The following NCALD variants were observed in gnomAD, a reference collection of about 807,000 sequenced individuals.
NCALD encodes neurocalcin-delta.
In NCALD, 10 loss-of-function variants were observed where a neutral mutation model predicts 18.6. The ratio of observed to expected loss-of-function variants is 0.54; its 90% CI spans 0.33 to 0.91. The LOEUF is 0.91. NCALD is among the 40% of genes least tolerant of loss of function. NCALD has a pLI of 0.03. For missense variants in NCALD, 184 were observed against 247.6 expected (o/e 0.74, Z 1.72); for synonymous variants, 88 against 87.4 (o/e 1.01, Z -0.04).
At position 101,905,276 on chromosome 8, in the gene NCALD, CCTCTCTCT is replaced by C. The variant is rs58447809; in HGVS notation, c.-107+10525_-107+10532del. 1.4e-4 allele frequency among the ~76,000 whole-genome samples: 20 copies of C among 145,548 alleles called. 1 individual carries two copies. The highest frequency in any genetic ancestry group is 8.1e-4 in the East Asian group (4 of 4,966). ...TTTCTAGCACCAATCTCTCTCCTCT[CCTCTCTCT>C]CTCTCTCTCTCTCTCTCTGGTGTAT... On this transcript the variant is annotated intron_variant, in intron 3 of 6. Transcript: ENST00000311028.
At chr8:101,835,735 T>G (rs887434209) in intron 4 of NCALD, among the ~76,000 whole-genome samples, 37 of 151,988 alleles carry the variant, frequency 2.4e-4, no homozygotes, top group Admixed American at 2.4e-3. Context: ...TGTGTGTGAG[T>G]GTGCATGTGG....
At chr8:102,082,269 G>A (rs1187394262) in intron 1 of NCALD, among the ~76,000 whole-genome samples, 1 of 102,940 alleles carries the variant, frequency 9.7e-6, no homozygotes, top group Non-Finnish European at 1.7e-5. Context: ...GTCTCGCTCT[G>A]TCGCCCAGGC....
intron 2 of NCALD, among the ~76,000 whole-genome samples, chr8:101,976,012 C>T (rs996438283): frequency 6.6e-6 from 1 of 152,110 alleles, no homozygotes; most frequent in Non-Finnish European, 1.5e-5. Context: ...AAAGTATGCA[C>T]TCCCCCAGCT....
intron 1 of NCALD, among the ~76,000 whole-genome samples, chr8:102,049,011 A>G (rs1215863065): frequency 3.9e-5 from 6 of 152,228 alleles, no homozygotes; most frequent in African/African-American, 1.2e-4. Flanking sequence ...GGAAAAGTTT[A>G]TAATTTGTCT....
At chr8:101,783,240 G>A (rs568038129) in intron 1 of NCALD, among the ~76,000 whole-genome samples, 14 of 152,266 alleles carry the variant, frequency 9.2e-5, no homozygotes, top group Admixed American at 2.0e-4. Flanking sequence ...AGGATGGGGT[G>A]AAGTTTAAGT....
intron 3 of NCALD, among the ~76,000 whole-genome samples, chr8:101,902,360 G>A (rs753868799): frequency 4.6e-5 from 7 of 151,044 alleles, no homozygotes; most frequent in African/African-American, 9.7e-5. Flanking sequence ...AAGCCAATAC[G>A]TTTTTTGAAG....
At chr8:102,121,628 T>C (rs966893052) in intron 1 of NCALD, among the ~76,000 whole-genome samples, 3 of 152,188 alleles carry the variant, frequency 2.0e-5, no homozygotes, top group Admixed American at 2.0e-4. Context: ...TTTCAAAAAA[T>C]TGGACCTCCA....
chr8:102,080,190 C>G, intron 1 of NCALD, among the ~76,000 whole-genome samples: 1 of 152,200 alleles, frequency 6.6e-6, no homozygotes, highest in East Asian at 1.9e-4. Flanking sequence ...CTGTTGGCAG[C>G]CAGCGGTGTT....
rs542266898 is a variant in NCALD at position 101,930,146 on chromosome 8, A to C, written c.-156-14288T>G. Among the ~76,000 whole-genome samples, 3 of 152,366 alleles carry C rather than the reference A, an allele frequency of 2.0e-5. No individual in the cohort carries two copies. The South Asian group carries it at 6.2e-4, about 32-fold the overall frequency. On this transcript the variant is annotated intron_variant, in intron 2 of 6. Transcript: ENST00000311028. ...TTAAAATGAGAAAATTACAAAAATT[A>C]TAAATTTTAAAAACTAAAGAATAGC...
intron 3 of NCALD, among the ~76,000 whole-genome samples, chr8:101,892,616 A>G (rs2131518614): frequency 6.7e-6 from 1 of 149,634 alleles, no homozygotes; most frequent in Middle Eastern, 3.4e-3. Flanking sequence ...ACACTTTGAA[A>G]AAAATATAGA....
intron 3 of NCALD, among the ~76,000 whole-genome samples, chr8:101,906,109 T>G (rs1169638598): frequency 2.0e-5 from 3 of 152,202 alleles, no homozygotes; most frequent in African/African-American, 7.2e-5. Context: ...AATATGTCTA[T>G]GATGTCAAAT....
chr8:102,031,715 G>A lies in NCALD; in HGVS notation c.-209-11426C>T, dbSNP rs879827756. On this transcript the variant is annotated intron_variant, in intron 1 of 6. Coordinates refer to the NCALD transcript ENST00000311028. ...GCAATAATAATTCCTATTGAAGGAA[G>A]GTGAGCAAAAATATATTCAATAAAT... Among the ~76,000 whole-genome samples the A allele has an allele frequency of 3.9e-5, 6 of 152,014 alleles. No homozygotes were observed. In the South Asian group the frequency reaches 6.2e-4, roughly 16 times the overall value.
At chr8:101,691,856 C>A (rs1484702701) in intron 3 of NCALD, 2 of 985,270 alleles carry the variant, frequency 2.0e-6, no homozygotes, top group Non-Finnish European at 2.4e-6. Flanking sequence ...AGTGCCTGTG[C>A]ACATGGTTGA....
chr8:102,120,855 G>A (rs1392649828), intron 1 of NCALD, among the ~76,000 whole-genome samples: 3 of 152,182 alleles, frequency 2.0e-5, no homozygotes, highest in Non-Finnish European at 4.4e-5. Context: ...ATTGTTCATT[G>A]TTGTGGTAGA....
At chr8:101,743,564 T>C (rs1283656143) in intron 1 of NCALD, among the ~76,000 whole-genome samples, 1 of 152,140 alleles carries the variant, frequency 6.6e-6, no homozygotes, top group East Asian at 1.9e-4. Flanking sequence ...TGTTGACAGG[T>C]GAGTACAAAG....
At chr8:101,909,638 T>C in intron 3 of NCALD, among the ~76,000 whole-genome samples, 1 of 152,140 alleles carries the variant, frequency 6.6e-6, no homozygotes, top group East Asian at 1.9e-4. Context: ...GTGTTATTAA[T>C]AAAGAAAATG....
intron 1 of NCALD, among the ~76,000 whole-genome samples, chr8:102,023,072 TCAAAAATCAAAGATCC>T (rs1264770930): frequency 1.3e-5 from 2 of 152,208 alleles, no homozygotes; most frequent in African/African-American, 4.8e-5. Context: ...ATTTGTCATT[TCAAAAATCAAAGATCC>T]TTTCAAAAAT....
intron 1 of NCALD, among the ~76,000 whole-genome samples, chr8:102,033,622 G>A (rs1160220116): frequency 6.6e-6 from 1 of 152,126 alleles, no homozygotes; most frequent in Non-Finnish European, 1.5e-5. Context: ...GACTCCTTAA[G>A]CCATTGTACA....
chr8:101,792,947 A>C (rs548919215), upstream of NCALD, among the ~76,000 whole-genome samples: 11 of 152,318 alleles, frequency 7.2e-5, no homozygotes, highest in African/African-American at 2.4e-4. Flanking sequence ...ATTAATTTGA[A>C]AATTAGCAAA....
Sources: allele counts gnomAD v4.1 joint callset (sites outside exome capture counted in the v4.1 genomes callset), GRCh38; gene constraint gnomAD v4.1.1; transcripts MANE v1.5; gene names NCBI Gene and HGNC (gene_info 2026-07-23, HGNC 2026-07-21).